Variants in PDE1B observed in about 807,000 individuals in gnomAD.
PDE1B encodes phosphodiesterase 1B.
In PDE1B, 13 loss-of-function variants were observed where a neutral mutation model predicts 66.7. The observed-to-expected ratio is 0.19, with a 90% CI of 0.13 to 0.31. The LOEUF (loss-of-function observed/expected upper bound fraction) is 0.31, where lower values mean the gene tolerates loss of function less well. Among genes scored for constraint, PDE1B ranks in the 10% least tolerant of loss-of-function variants. PDE1B has a pLI of 1.00. For synonymous variants in PDE1B, 230 were observed against 253.9 expected, an observed-to-expected ratio of 0.91 and a Z score of 0.90; for missense variants, 485 against 682.3, an observed-to-expected ratio of 0.71 and a Z score of 3.22.
In PDE1B at chr12:54,575,608, A is replaced by G; in HGVS notation, c.1243A>G (p.Thr415Ala). 1 of 1,611,142 alleles carries G rather than the reference A, an allele frequency of 6.2e-7. No individual in the cohort carries two copies. Among genetic ancestry groups the G allele is most frequent in the Non-Finnish European group, 8.5e-7 (1 of 1,178,674 alleles). ...PFSPLCDRTS[T>A]LVAQSQIGFI... is the part of the protein sequence containing the mutation. ...TTCTCCACTCTGTGACCGCACTTCC[A>G]CTCTAGTGGCACAGTCTCAGATAGG... is the stretch of plus-strand genomic sequence containing the variant. The change falls in exon 12 of 16, where the codon ACT becomes GCT. Residue 415 changes from threonine (T) to alanine (A), a missense_variant. Thr to Ala is a moderately conservative substitution (Grantham distance 58, BLOSUM62 0). Transcript: ENST00000243052. This position sits in a 1 kb window ranked among gnomAD's most constrained non-coding sequence, Gnocchi z 4.0.
chr12:54,570,554 T>G, intron 6 of PDE1B, 197 bp downstream of exon 6: 1 of 568,540 alleles, frequency 1.8e-6, no homozygotes. Context: ...TTAATTGATT[T>G]CTAGGGGGAG....
intron 2 of PDE1B, among the ~76,000 whole-genome samples, chr12:54,562,374 G>A (rs1017700162): frequency 2.6e-5 from 4 of 152,202 alleles, no homozygotes; most frequent in African/African-American, 4.8e-5. Context: ...TTTTCCAATC[G>A]TGCAGGGACT....
intron 2 of PDE1B, 74 bp from the exon 3 acceptor site, chr12:54,566,900 C>A: frequency 1.6e-6 from 1 of 628,594 alleles, no homozygotes; most frequent in East Asian, 2.9e-5. Context: ...TAAAATGTAC[C>A]TTATTAGGGA....
At chr12:54,572,435 G>A (rs2121139259) in intron 6 of PDE1B, 166 bp from the exon 7 acceptor site, 1 of 679,316 alleles carries the variant, frequency 1.5e-6, no homozygotes, top group Non-Finnish European at 2.7e-6. Context: ...AGGTTGCACA[G>A]CCAGCAGGTG....
chr12:54,564,490 C>A (rs879605003), intron 2 of PDE1B, among the ~76,000 whole-genome samples: 2 of 151,964 alleles, frequency 1.3e-5, no homozygotes, highest in East Asian at 1.9e-4. Context: ...AAAAATTAGC[C>A]GGGCATGGTA....
rs1957656504 is a variant in PDE1B at position 54,573,504 on chromosome 12, A to G, written c.962+24A>G. The G allele has an allele frequency of 1.2e-6, 2 of 1,614,088 alleles. No homozygotes were observed. The highest frequency in any genetic ancestry group is 1.6e-4 in the Middle Eastern group (1 of 6,062). On this transcript the variant is annotated intron_variant, in intron 9 of 15. Transcript: ENST00000243052. The surrounding 1 kb of genome is among the most constrained non-coding windows in gnomAD (Gnocchi z 5.2). Reference sequence around the variant, plus strand: ...GTGTGAGCAGAAGCCAGTACTTGGCATCCCTAAGAGACTCCCTTACCACAA... The same window carrying G: ...GTGTGAGCAGAAGCCAGTACTTGGCGTCCCTAAGAGACTCCCTTACCACAA...
intron 3 of PDE1B, among the ~76,000 whole-genome samples, chr12:54,568,481 C>T (rs1448875464): frequency 1.4e-5 from 2 of 141,638 alleles, no homozygotes; most frequent in Non-Finnish European, 3.2e-5. Flanking sequence ...CACACACACA[C>T]ACACACACAC....
Position 54,578,126 on chromosome 12 carries a change from G to C in PDE1B, c.*284G>C, listed in dbSNP as rs1278833477. Reference sequence around the variant, plus strand: ...CTCTGGATTCTCTTCATGGCCAGGTGGCTGCCAGGGAGCGGGGAGCTTCCT... The same window carrying C: ...CTCTGGATTCTCTTCATGGCCAGGTCGCTGCCAGGGAGCGGGGAGCTTCCT... On this transcript the variant is annotated 3_prime_UTR_variant, in exon 16 of 16. Transcript: ENST00000243052. The C allele has an allele frequency of 2.0e-5, 3 of 152,266 alleles. No individual in the cohort carries two copies. The highest frequency in any genetic ancestry group is 4.4e-5 in the Non-Finnish European group (3 of 68,098). The allele number at this position is 152,266 out of a possible 1,614,324, so 9.4% of individuals were successfully genotyped here. A position where few individuals can be genotyped will look rare whatever the true frequency, so the allele number is the denominator to read the frequency against.
At chr12:54,568,338 T>G (rs1336391706) in intron 3 of PDE1B, among the ~76,000 whole-genome samples, 1 of 151,870 alleles carries the variant, frequency 6.6e-6, no homozygotes, top group African/African-American at 2.4e-5. Flanking sequence ...GATGTGCATC[T>G]GTAGTCCCAG....
intron 2 of PDE1B, chr12:54,561,655 G>C (rs1054159408): frequency 2.0e-5 from 30 of 1,522,318 alleles, no homozygotes; most frequent in Non-Finnish European, 2.6e-5. Flanking sequence ...CCAGGGATGA[G>C]AAGAGGAAGG....
intron 14 of PDE1B, chr12:54,576,939 C>T: frequency 1.6e-6 from 1 of 606,938 alleles, no homozygotes; most frequent in South Asian, 2.0e-5. Context: ...CCAAGGGTCC[C>T]TGTGCACACT....
chr12:54,565,100 C>T (rs1406134049), intron 2 of PDE1B, among the ~76,000 whole-genome samples: 1 of 152,202 alleles, frequency 6.6e-6, no homozygotes, highest in Non-Finnish European at 1.5e-5. Flanking sequence ...TGTGGCTGCT[C>T]ACTTTGGGAG....
chr12:54,573,270 G>C lies in PDE1B; in HGVS notation c.836+22G>C. Reference sequence around the variant, plus strand: ...CCAAGTGAGGGGTGGGGATGTGGCAGGGGCAGGAGGGGCCAAGAGGAGGTG... The same window carrying C: ...CCAAGTGAGGGGTGGGGATGTGGCACGGGCAGGAGGGGCCAAGAGGAGGTG... On this transcript the variant is annotated intron_variant, in intron 8 of 15. Transcript: ENST00000243052. This position sits in a 1 kb window ranked among gnomAD's most constrained non-coding sequence, Gnocchi z 5.2. 1.2e-6 allele frequency: 2 copies of C among 1,612,620 alleles called. No individual in the cohort carries two copies. Among genetic ancestry groups the C allele is most frequent in the Non-Finnish European group, 1.7e-6 (2 of 1,178,620 alleles).
Position 54,573,520 on chromosome 12 carries a change from C to A in PDE1B, c.962+40C>A. On this transcript the variant is annotated intron_variant, in intron 9 of 15. Coordinates refer to ENST00000243052, the MANE Select transcript of PDE1B (RefSeq NM_000924.4). The surrounding 1 kb of genome is among the most constrained non-coding windows in gnomAD (Gnocchi z 5.2). ...GTACTTGGCATCCCTAAGAGACTCCCTTACCACAAACTCCATTTTCCACTT... is the reference window on the plus strand; with the variant it reads ...GTACTTGGCATCCCTAAGAGACTCCATTACCACAAACTCCATTTTCCACTT... The A allele has an allele frequency of 6.2e-7, 1 of 1,613,652 alleles. No homozygotes were observed. The highest frequency in any genetic ancestry group is 1.1e-5 in the South Asian group (1 of 91,066).
intron 2 of PDE1B, among the ~76,000 whole-genome samples, chr12:54,555,092 A>G (rs1329373069): frequency 6.6e-6 from 1 of 152,180 alleles, no homozygotes. Context: ...GGAGGGCAAT[A>G]TTATGAAGGA....
Position 54,573,545 on chromosome 12 carries a change from T to C in PDE1B, c.963-63T>C. 1.2e-6 allele frequency: 2 copies of C among 1,612,018 alleles called. No individual in the cohort carries two copies. On this transcript the variant is annotated intron_variant, in intron 9 of 15. Coordinates refer to ENST00000243052, the MANE Select transcript of PDE1B (RefSeq NM_000924.4). This position sits in a 1 kb window ranked among gnomAD's most constrained non-coding sequence, Gnocchi z 5.2. ...CTTACCACAAACTCCATTTTCCACT[T>C]CCTGGACCTCCTGCCCAGCAGCGCT... is the stretch of plus-strand genomic sequence containing the variant.
intron 6 of PDE1B, chr12:54,571,185 C>T (rs1250474930): frequency 1.3e-5 from 2 of 152,292 alleles, no homozygotes; most frequent in South Asian, 2.1e-4. Context: ...TCCATCCATC[C>T]TCTGCCTCCA....
Position 54,569,136 on chromosome 12 carries a change from G to A in PDE1B, c.228-48G>A, listed in dbSNP as rs1368934931. Reference sequence around the variant, plus strand: ...GCTGGGTACAGGGTCTCTAGGCTGTGGAAGCACCTGCTGTCTTTCCTCTGT... The same window carrying A: ...GCTGGGTACAGGGTCTCTAGGCTGTAGAAGCACCTGCTGTCTTTCCTCTGT... On this transcript the variant is annotated intron_variant, in intron 3 of 15. Transcript: ENST00000243052. This position sits in a 1 kb window ranked among gnomAD's most constrained non-coding sequence, Gnocchi z 4.4. The A allele has an allele frequency of 1.3e-6, 2 of 1,555,514 alleles. No individual in the cohort carries two copies. Among genetic ancestry groups the A allele is most frequent in the Middle Eastern group, 1.7e-4 (1 of 5,790 alleles).
chr12:54,577,717 C>A (rs748219537), intron 15 of PDE1B, 143 bp from the exon 16 acceptor site: 142 of 577,572 alleles, frequency 2.5e-4, no homozygotes, highest in Non-Finnish European at 3.6e-4. Flanking sequence ...CCCTATTCAC[C>A]CCCTTGGCTG....
Sources: allele counts gnomAD v4.1 joint callset (sites outside exome capture counted in the v4.1 genomes callset), GRCh38; gene constraint gnomAD v4.1.1; non-coding constraint Gnocchi (gnomAD v3.1); transcripts MANE v1.5; gene names NCBI Gene and HGNC (gene_info 2026-07-23, HGNC 2026-07-21).